The following LRP1B variants were observed in gnomAD, a reference collection of about 807,000 sequenced individuals.
LRP1B encodes low-density lipoprotein receptor-related protein 1B.
LRP1B carries 217 observed loss-of-function variants against 556.6 expected under a neutral mutation model. The ratio of observed to expected loss-of-function variants is 0.39; its 90% CI spans 0.35 to 0.44. The LOEUF is 0.44. Ranked by LOEUF, LRP1B falls within the 20% of genes least tolerant of loss-of-function variation. The probability of loss-of-function intolerance (pLI) is 1.00; values close to 1 mark genes in which losing one functional copy is unlikely to be tolerated. For synonymous variants in LRP1B, 2,047 were observed against 1,865.8 expected, an observed-to-expected ratio of 1.10 and a Z score of -2.50; for missense variants, 5,053 against 5,620.8, an observed-to-expected ratio of 0.90 and a Z score of 3.23.
intron 3 of LRP1B, among the ~76,000 whole-genome samples, chr2:141,350,754 C>T (rs577497780): frequency 6.6e-6 from 1 of 152,096 alleles, no homozygotes; most frequent in African/African-American, 2.4e-5. Context: ...AAGCCAAGTC[C>T]CTGTTTAACA....
chr2:140,342,377 G>A (rs1681440996), intron 77 of LRP1B, among the ~76,000 whole-genome samples: 1 of 151,378 alleles, frequency 6.6e-6, no homozygotes, highest in Admixed American at 6.6e-5. Context: ...ACACAAGAAT[G>A]ATTCATTATT....
At chr2:141,653,510 T>A (rs1396114593) in intron 2 of LRP1B, among the ~76,000 whole-genome samples, 1 of 152,226 alleles carries the variant, frequency 6.6e-6, no homozygotes, top group South Asian at 2.1e-4. Flanking sequence ...TAAATGTGTG[T>A]CCTATAATAT....
intron 29 of LRP1B, among the ~76,000 whole-genome samples, chr2:140,844,948 C>T (rs1399666636): frequency 6.6e-6 from 1 of 152,034 alleles, no homozygotes; most frequent in Non-Finnish European, 1.5e-5. Context: ...ATGAATTGCT[C>T]AGTGTAAAAG....
chr2:141,189,670 C>T (rs888149857), intron 6 of LRP1B, among the ~76,000 whole-genome samples: 1 of 152,080 alleles, frequency 6.6e-6, no homozygotes, highest in Non-Finnish European at 1.5e-5. Context: ...CATATTTATG[C>T]TGTCCCATAA....
chr2:141,853,515 GTATA>G (rs1697936022), intron 1 of LRP1B, among the ~76,000 whole-genome samples: 1 of 151,442 alleles, frequency 6.6e-6, no homozygotes, highest in African/African-American at 2.4e-5. Flanking sequence ...ATTTTGAAGT[GTATA>G]TGTATGTTGT....
chr2:141,136,168 C>T (rs573400865), intron 7 of LRP1B, among the ~76,000 whole-genome samples: 12 of 151,920 alleles, frequency 7.9e-5, no homozygotes, highest in South Asian at 2.1e-4. Context: ...AAGCTGCATG[C>T]GTATGAATAG....
At chr2:142,109,174 A>G (rs1900935) in intron 1 of LRP1B, among the ~76,000 whole-genome samples, 101,748 of 152,018 alleles carry the variant, frequency 0.67, 34,224 homozygotes, top group East Asian at 0.71. Context: ...GTGAAGATCA[A>G]CTTAAAGAGA....
At chr2:140,327,430 T>G (rs192529067) in intron 79 of LRP1B, among the ~76,000 whole-genome samples, 1 of 152,268 alleles carries the variant, frequency 6.6e-6, no homozygotes, top group East Asian at 1.9e-4. Context: ...ATTGTTTTAC[T>G]GGTTTCTGCT....
chr2:141,708,831 C>T (rs1692246724), intron 2 of LRP1B, among the ~76,000 whole-genome samples: 1 of 152,176 alleles, frequency 6.6e-6, no homozygotes, highest in East Asian at 1.9e-4. Context: ...AAAGAAAAGG[C>T]TACATGTGAG....
At chr2:141,063,544 G>T (rs1221404404) in intron 7 of LRP1B, among the ~76,000 whole-genome samples, 2 of 151,678 alleles carry the variant, frequency 1.3e-5, no homozygotes, top group African/African-American at 4.8e-5. Context: ...GTCTAGTGAA[G>T]AATAAATAAA....
chr2:141,391,715 G>T (rs1355646929), intron 3 of LRP1B, among the ~76,000 whole-genome samples: 17 of 152,148 alleles, frequency 1.1e-4, no homozygotes, highest in Admixed American at 1.1e-3. Flanking sequence ...AAGGAGAAAG[G>T]CTGCTGCAGT....
At chr2:141,555,587 C>A (rs1404804971) in intron 2 of LRP1B, among the ~76,000 whole-genome samples, 2 of 151,970 alleles carry the variant, frequency 1.3e-5, no homozygotes, top group East Asian at 1.9e-4. Flanking sequence ...TTTAAAATGT[C>A]ATCTTGCCTA....
Position 140,425,701 on chromosome 2 carries a change from C to T in LRP1B, c.10414+16803G>A, listed in dbSNP as rs1573923332. On this transcript the variant is annotated intron_variant, in intron 66 of 90. Transcript: ENST00000389484. ...GATTACAGGAGTGAGCCACCGTACC[C>T]GTCCCTGTTCACCCATTTTCTGTCT... Among the ~76,000 whole-genome samples, 6 of 152,142 alleles carry T rather than the reference C, an allele frequency of 3.9e-5. No homozygotes were observed. The South Asian group carries it at 6.2e-4, about 16-fold the overall frequency.
intron 3 of LRP1B, among the ~76,000 whole-genome samples, chr2:141,402,244 C>T (rs1052485273): frequency 2.0e-5 from 3 of 151,922 alleles, no homozygotes; most frequent in African/African-American, 7.2e-5. Flanking sequence ...TTGTAGTTTT[C>T]CCCTCCCATT....
chr2:141,313,451 CA>C, intron 3 of LRP1B, among the ~76,000 whole-genome samples: 1 of 152,128 alleles, frequency 6.6e-6, no homozygotes, highest in East Asian at 1.9e-4. Flanking sequence ...AAAATGGAGA[CA>C]TTTTTAGAAT....
intron 55 of LRP1B, 86 bp from the exon 56 acceptor site, chr2:140,495,834 A>G: frequency 3.6e-6 from 4 of 1,122,258 alleles, no homozygotes; most frequent in Non-Finnish European, 5.0e-6. Context: ...TAAGCAAGAA[A>G]AGCATTTGAA....
At chr2:141,758,716 T>G (rs983817563) in intron 2 of LRP1B, among the ~76,000 whole-genome samples, 3 of 152,122 alleles carry the variant, frequency 2.0e-5, no homozygotes, top group Non-Finnish European at 2.9e-5. Flanking sequence ...ATTTATACTC[T>G]AGTGCAAAGT....
rs2105166937 is a variant in LRP1B, at chr2:140,371,243, T to C, written c.10811A>G (p.Asp3604Gly). 6.3e-7 allele frequency: 1 copy of C among 1,597,474 alleles called. No individual in the cohort carries two copies. Among genetic ancestry groups the C allele is most frequent in the Non-Finnish European group, 8.5e-7 (1 of 1,171,954 alleles). ...TTTCAAAGATGCTGAAATACATCCA[T>C]CACTGGCACATATATATTCACGTGA... ...CSSREYICASDGCISASLKCN... is the reference protein window; with the variant it reads ...CSSREYICASGGCISASLKCN... The change falls in exon 70 of 91, where the codon GAT becomes GGT. Residue 3604 changes from aspartate (D) to glycine (G), a missense_variant. Transcript: ENST00000389484.
intron 66 of LRP1B, among the ~76,000 whole-genome samples, chr2:140,405,384 A>G (rs1034219090): frequency 7.9e-5 from 12 of 152,168 alleles, no homozygotes; most frequent in Non-Finnish European, 1.6e-4. Context: ...ATTTAAGGAA[A>G]TTGAAACAAA....
Sources: gnomAD v4.1 joint callset for allele counts (sites outside exome capture counted in the v4.1 genomes callset) on GRCh38, gnomAD v4.1.1 for gene constraint, MANE v1.5 for transcripts, NCBI Gene and HGNC (gene_info 2026-07-23, HGNC 2026-07-21) for gene names.